Variants in DTNA observed in about 807,000 individuals in gnomAD.
The protein encoded by DTNA is dystrobrevin alpha.
A neutral mutation model predicts 100.7 loss-of-function variants in DTNA; 43 were observed. The ratio of observed to expected loss-of-function variants is 0.43; its 90% CI spans 0.33 to 0.55. The LOEUF (loss-of-function observed/expected upper bound fraction) is 0.55. Among genes scored for constraint, DTNA ranks in the 20% least tolerant of loss-of-function variants. DTNA has a pLI of 0.04. For missense variants in DTNA, 798 were observed against 953.9 expected (o/e 0.84, Z 2.15); for synonymous variants, 349 against 347.9 (o/e 1.00, Z -0.04).
At chr18:34,788,602 C>T (rs1353674106) in intron 3 of DTNA, among the ~76,000 whole-genome samples, 3 of 152,112 alleles carry the variant, frequency 2.0e-5, no homozygotes, top group Non-Finnish European at 4.4e-5. Flanking sequence ...AGGTAGTCGC[C>T]AATGAAATAA....
At chr18:34,856,054 C>T (rs1038728563) in intron 15 of DTNA, among the ~76,000 whole-genome samples, 13 of 152,198 alleles carry the variant, frequency 8.5e-5, no homozygotes, top group African/African-American at 2.4e-4. Flanking sequence ...GTTTTTGGAT[C>T]GCACTCTCTA....
At chr18:34,672,842 A>G (rs2076938261) in intron 1 of DTNA, among the ~76,000 whole-genome samples, 1 of 152,236 alleles carries the variant, frequency 6.6e-6, no homozygotes, top group East Asian at 1.9e-4. Context: ...GTGTGTGTAT[A>G]ACTGGAAGTA....
intron 1 of DTNA, among the ~76,000 whole-genome samples, chr18:34,507,322 C>G (rs2040589350): frequency 6.6e-6 from 1 of 152,138 alleles, no homozygotes; most frequent in Admixed American, 6.6e-5. Flanking sequence ...AGTTTTGGAC[C>G]AGTACGTGCA....
At chr18:34,681,506 C>T (rs1420425378) in intron 1 of DTNA, among the ~76,000 whole-genome samples, 2 of 152,146 alleles carry the variant, frequency 1.3e-5, no homozygotes, top group East Asian at 3.9e-4. Flanking sequence ...TCCAGTCATT[C>T]CTCCCACAGA....
rs1468109695 is a variant in DTNA at position 34,888,053 on chromosome 18, C to T, written c.*319C>T. The T allele has an allele frequency of 2.3e-5, 23 of 985,768 alleles. No individual in the cohort carries two copies. In the South Asian group the frequency reaches 2.3e-4, roughly 10 times the overall value. The allele number at this position is 985,768 out of a possible 1,614,324, so 61.1% of individuals were successfully genotyped here. On this transcript the variant is annotated 3_prime_UTR_variant, in exon 23 of 23. Transcript: ENST00000444659. ...AACTTATCAGCTACATCCTCTGTAA[C>T]GTGGTTCATCCCTGGTTAAAAAGCA...
upstream of DTNA, among the ~76,000 whole-genome samples, chr18:34,709,134 A>G (rs2082475775): frequency 6.6e-6 from 1 of 152,208 alleles, no homozygotes; most frequent in Admixed American, 6.5e-5. Flanking sequence ...GTTGAGGGAA[A>G]GCTTTCAGAT....
chr18:34,765,910 T>C (rs772762512), intron 2 of DTNA, 51 bp from the exon 3 acceptor site: 95 of 1,573,910 alleles, frequency 6.0e-5, no homozygotes, highest in Admixed American at 1.3e-4. Context: ...ACATTGTAAA[T>C]TTCTTTCTGC....
intron 1 of DTNA, among the ~76,000 whole-genome samples, chr18:34,605,474 CAG>C (rs1222639669): frequency 6.6e-6 from 1 of 152,120 alleles, no homozygotes. Context: ...ATTTTCAAAG[CAG>C]AGACATTACT....
At chr18:34,526,378 C>T (rs936965003) in intron 1 of DTNA, among the ~76,000 whole-genome samples, 2 of 152,062 alleles carry the variant, frequency 1.3e-5, no homozygotes, top group Non-Finnish European at 2.9e-5. Context: ...ATTGACTGAT[C>T]TCAGATATTA....
intron 1 of DTNA, among the ~76,000 whole-genome samples, chr18:34,623,302 AC>A (rs1239417384): frequency 6.6e-6 from 1 of 152,250 alleles, no homozygotes; most frequent in Non-Finnish European, 1.5e-5. Flanking sequence ...TATTTTGGTT[AC>A]TGAGAGGCTG....
At chr18:34,825,386 C>A in intron 9 of DTNA, 1 of 1,334,072 alleles carries the variant, frequency 7.5e-7, no homozygotes, top group Non-Finnish European at 1.1e-6. Context: ...AGAACTAAGT[C>A]TTCTTATGCT....
chr18:34,804,853 T>A (rs2095319824), intron 4 of DTNA, among the ~76,000 whole-genome samples: 1 of 152,198 alleles, frequency 6.6e-6, no homozygotes, highest in South Asian at 2.1e-4. Context: ...GCATTCTGGC[T>A]GGTTGTATTT....
At chr18:34,842,819 C>T (rs1476073118) in intron 13 of DTNA, among the ~76,000 whole-genome samples, 1 of 152,094 alleles carries the variant, frequency 6.6e-6, no homozygotes, top group African/African-American at 2.4e-5. Flanking sequence ...TTATCAGCTG[C>T]AGTCATTGTT....
chr18:34,559,735 A>G (rs1176143445), intron 1 of DTNA, among the ~76,000 whole-genome samples: 1 of 152,232 alleles, frequency 6.6e-6, no homozygotes, highest in Non-Finnish European at 1.5e-5. Flanking sequence ...AGAACTAAGG[A>G]AAGCCAGTTT....
At chr18:34,677,760 C>T (rs921029243) in intron 1 of DTNA, among the ~76,000 whole-genome samples, 1 of 151,882 alleles carries the variant, frequency 6.6e-6, no homozygotes, top group African/African-American at 2.4e-5. Context: ...ACATTTAATT[C>T]AAAGAATGTC....
intron 1 of DTNA, chr18:34,513,794 T>G (rs1040187136): frequency 1.3e-5 from 2 of 152,170 alleles, no homozygotes; most frequent in African/African-American, 4.8e-5. Context: ...TGAGGAGATA[T>G]GTGACAACAT....
chr18:34,728,985 G>A (rs1274706496), intron 1 of DTNA, among the ~76,000 whole-genome samples: 1 of 151,984 alleles, frequency 6.6e-6, no homozygotes, highest in African/African-American at 2.4e-5. Flanking sequence ...CCCTTCAGTT[G>A]TGCACCTCTA....
intron 1 of DTNA, among the ~76,000 whole-genome samples, chr18:34,664,242 A>G: frequency 6.6e-6 from 1 of 152,140 alleles, no homozygotes; most frequent in East Asian, 1.9e-4. Context: ...ATTAAGCCAG[A>G]TATTAGGGGA....
intron 1 of DTNA, among the ~76,000 whole-genome samples, chr18:34,510,418 G>A (rs901944674): frequency 4.6e-5 from 7 of 151,868 alleles, no homozygotes; most frequent in South Asian, 2.1e-4. Flanking sequence ...GGTTCCTTGC[G>A]TGTGCTTCTC....
Sources: allele counts gnomAD v4.1 joint callset (sites outside exome capture counted in the v4.1 genomes callset), GRCh38; gene constraint gnomAD v4.1.1; transcripts MANE v1.5; gene names NCBI Gene and HGNC (gene_info 2026-07-23, HGNC 2026-07-21).